TTC28: variants seen among roughly 807,000 people sequenced by gnomAD.
The protein encoded by TTC28 is tetratricopeptide repeat protein 28.
Under a neutral mutation model 198.0 loss-of-function variants are expected in TTC28, and 61 were observed. The observed-to-expected ratio is 0.31, with a 90% CI of 0.25 to 0.38. The LOEUF is 0.38. TTC28 is among the 10% of genes least tolerant of loss of function. The pLI is 1.00. For synonymous variants in TTC28, 1,171 were observed against 1,297.8 expected (o/e 0.90, Z 2.10); for missense variants, 2,678 against 3,164.0 (o/e 0.85, Z 3.69).
chr22:28,317,957 A>ACACC (rs2045378592), intron 2 of TTC28, among the ~76,000 whole-genome samples: 1 of 152,078 alleles, frequency 6.6e-6, no homozygotes, highest in Non-Finnish European at 1.5e-5. Flanking sequence ...AGGCTGGAGC[A>ACACC]CAGTGGTGTG....
At chr22:28,217,894 A>C (rs1187016100) in intron 5 of TTC28, among the ~76,000 whole-genome samples, 1 of 152,234 alleles carries the variant, frequency 6.6e-6, no homozygotes, top group Admixed American at 6.5e-5. Context: ...CAAAATAAGG[A>C]AAGGAATGGC....
intron 2 of TTC28, among the ~76,000 whole-genome samples, chr22:28,341,698 G>C (rs1601658902): frequency 6.6e-6 from 1 of 152,120 alleles, no homozygotes; most frequent in African/African-American, 2.4e-5. Context: ...GTTGAGGCAG[G>C]AGAATTGCTT....
At chr22:28,463,186 A>T (rs1211613067) in intron 2 of TTC28, among the ~76,000 whole-genome samples, 1 of 152,210 alleles carries the variant, frequency 6.6e-6, no homozygotes, top group Non-Finnish European at 1.5e-5. Context: ...GGAACTTACT[A>T]TCTCACATTA....
At chr22:28,406,330 A>T (rs1332676763) in intron 2 of TTC28, among the ~76,000 whole-genome samples, 1 of 152,256 alleles carries the variant, frequency 6.6e-6, no homozygotes, top group Non-Finnish European at 1.5e-5. Context: ...TAACGAGACT[A>T]GAATTATTTT....
intron 5 of TTC28, among the ~76,000 whole-genome samples, chr22:28,282,074 T>C (rs557351606): frequency 6.6e-6 from 1 of 152,288 alleles, no homozygotes; most frequent in Non-Finnish European, 1.5e-5. Context: ...ACAAAAAATA[T>C]AAAACCAAGG....
intron 2 of TTC28, among the ~76,000 whole-genome samples, chr22:28,313,649 A>G (rs1400443743): frequency 6.6e-6 from 1 of 152,226 alleles, no homozygotes; most frequent in Non-Finnish European, 1.5e-5. Context: ...AAGGCCTTCA[A>G]CAAAATTCAA....
chr22:27,982,754 TC>T lies in TTC28; in HGVS notation c.6912del (p.Asn2305ThrfsTer38). On this transcript the variant is annotated frameshift_variant, in exon 23 of 23. Transcript: ENST00000397906. LOFTEE classifies it high-confidence loss of function. This position sits in a 1 kb window ranked among gnomAD's most constrained non-coding sequence, Gnocchi z 5.2. The stretch of plus-strand genomic sequence containing the variant: ...TGGTGGCCGGAGCTTGGGGACATGT[TC>T]CTTGGTGATTTGGAAATGTGAGCGC... ...PYSAHISKSP[R>X]NMSPSSGHQS... 1 of 1,550,560 alleles carries T rather than the reference TC, an allele frequency of 6.4e-7. No individual in the cohort carries two copies.
chr22:28,620,942 TTGGCTCCTTC>T (rs1422115341), intron 2 of TTC28, among the ~76,000 whole-genome samples: 1 of 152,212 alleles, frequency 6.6e-6, no homozygotes, highest in African/African-American at 2.4e-5. Flanking sequence ...AAGTCCTGAT[TTGGCTCCTTC>T]TGGCTGCTTT....
chr22:28,104,639 T>A (rs1162187435), intron 8 of TTC28, among the ~76,000 whole-genome samples: 1 of 152,136 alleles, frequency 6.6e-6, no homozygotes, highest in Admixed American at 6.5e-5. Context: ...AAGGTCCAAC[T>A]GTGCAGCCTT....
chr22:28,099,006 A>T lies in TTC28; in HGVS notation c.3456T>A (p.His1152Gln). The change falls in exon 10 of 23, where the codon CAT becomes CAA. Residue 1152 changes from histidine to glutamine, a missense_variant. Transcript: ENST00000397906. The part of the protein sequence containing the change: ...RASALFETIR[H>Q]EAQLSTDYKL... The stretch of plus-strand genomic sequence containing the variant: ...TGTAGTCCGTGCTCAGCTGTGCCTC[A>T]TGTCGGATTGTTTCAAACAAGGCTG... 6.4e-7 allele frequency: 1 copy of T among 1,551,980 alleles called. No individual in the cohort carries two copies. Among genetic ancestry groups the T allele is most frequent in the Non-Finnish European group, 8.7e-7 (1 of 1,147,060 alleles).
chr22:28,185,473 TCTTA>T (rs1292112322), intron 5 of TTC28, among the ~76,000 whole-genome samples: 3 of 152,090 alleles, frequency 2.0e-5, no homozygotes, highest in African/African-American at 7.2e-5. Context: ...CAACACAAAT[TCTTA>T]CTAAGTATAA....
At chr22:28,299,814 A>G (rs1373197335) in intron 3 of TTC28, among the ~76,000 whole-genome samples, 1 of 152,228 alleles carries the variant, frequency 6.6e-6, no homozygotes, top group African/African-American at 2.4e-5. Flanking sequence ...ATAAGAACAC[A>G]CTGCAGGGCT....
chr22:28,337,310 T>A (rs1321758829), intron 2 of TTC28, among the ~76,000 whole-genome samples: 1 of 152,236 alleles, frequency 6.6e-6, no homozygotes, highest in Non-Finnish European at 1.5e-5. Context: ...AAAGAATGTA[T>A]ATTCTGTTGA....
chr22:28,387,188 G>A (rs1214347373), intron 2 of TTC28, among the ~76,000 whole-genome samples: 6 of 152,116 alleles, frequency 3.9e-5, no homozygotes, highest in Non-Finnish European at 8.8e-5. Context: ...ATTTTTTATG[G>A]CTGCATAGTA....
At chr22:28,367,404 A>G (rs1187006184) in intron 2 of TTC28, among the ~76,000 whole-genome samples, 3 of 152,080 alleles carry the variant, frequency 2.0e-5, no homozygotes, top group Admixed American at 6.5e-5. Flanking sequence ...TAATGCAAAC[A>G]TAACATATCA....
chr22:28,297,937 A>G, intron 3 of TTC28, 85 bp from the exon 4 acceptor site: 1 of 1,391,632 alleles, frequency 7.2e-7, no homozygotes, highest in Non-Finnish European at 9.7e-7. Flanking sequence ...CTCTAGAAAT[A>G]AATGTTTATC....
chr22:28,195,842 A>G (rs1925281272), intron 5 of TTC28, among the ~76,000 whole-genome samples: 1 of 150,910 alleles, frequency 6.6e-6, no homozygotes, highest in Non-Finnish European at 1.5e-5. Context: ...AATCAATATC[A>G]TGAAAATGGC....
chr22:28,348,739 C>T (rs1227025363), intron 2 of TTC28, among the ~76,000 whole-genome samples: 1 of 152,148 alleles, frequency 6.6e-6, no homozygotes. Context: ...TCCCATACTC[C>T]CTGCTCAAGT....
chr22:28,279,884 T>G (rs963813644), intron 5 of TTC28, among the ~76,000 whole-genome samples: 1 of 152,272 alleles, frequency 6.6e-6, no homozygotes, highest in African/African-American at 2.4e-5. Context: ...TTATAAAGTA[T>G]GTCCTCTTTT....
Sources: gnomAD v4.1 joint callset for allele counts (sites outside exome capture counted in the v4.1 genomes callset) on GRCh38, gnomAD v4.1.1 for gene constraint, Gnocchi (gnomAD v3.1) non-coding constraint, MANE v1.5 for transcripts, NCBI Gene and HGNC (gene_info 2026-07-23, HGNC 2026-07-21) for gene names.